The following WIPF1 variants were observed in gnomAD, a reference collection of about 807,000 sequenced individuals.
WIPF1 encodes WAS/WASL interacting protein family member 1.
Under a neutral mutation model 35.4 loss-of-function variants are expected in WIPF1, and 13 were observed. The ratio of observed to expected loss-of-function variants is 0.37; its 90% CI spans 0.24 to 0.58. The LOEUF (loss-of-function observed/expected upper bound fraction) is 0.58. Among genes scored for constraint, WIPF1 ranks in the 20% least tolerant of loss-of-function variants. The probability of loss-of-function intolerance (pLI) is 0.74; values close to 1 mark genes in which losing one functional copy is unlikely to be tolerated. For synonymous variants in WIPF1, 267 were observed against 266.3 expected (o/e 1.00, Z -0.02); for missense variants, 591 against 667.0 (o/e 0.89, Z 1.25).
chr2:174,591,646 TTTAA>T (rs1685611354), intron 1 of WIPF1, among the ~76,000 whole-genome samples: 1 of 148,966 alleles, frequency 6.7e-6, no homozygotes, highest in Admixed American at 6.7e-5. Flanking sequence ...ACTTTAAAAA[TTTAA>T]TTACTGTTTC....
At position 174,659,400 on chromosome 2, in the gene WIPF1, T is replaced by C. The variant is rs140442891; in HGVS notation, c.-39+23374A>G. Reference sequence around the variant, plus strand: ...GAATATAGTGCATGGGACAATTTCATCAACACTCCAAAAGCAAGCTAGATA... The same window carrying C: ...GAATATAGTGCATGGGACAATTTCACCAACACTCCAAAAGCAAGCTAGATA... On this transcript the variant is annotated intron_variant, in intron 1 of 8. Coordinates refer to the WIPF1 transcript ENST00000272746. Among the ~76,000 whole-genome samples the C allele has an allele frequency of 3.1e-4, 47 of 152,338 alleles. 1 individual carries two copies. In the East Asian group the frequency reaches 7.1e-3, roughly 23 times the overall value.
At chr2:174,661,729 C>T (rs1383952367) in intron 1 of WIPF1, among the ~76,000 whole-genome samples, 1 of 152,150 alleles carries the variant, frequency 6.6e-6, no homozygotes, top group Non-Finnish European at 1.5e-5. Flanking sequence ...GCCTTAAGCA[C>T]ACCTCAACAG....
At chr2:174,577,290 G>C (rs944813049) in intron 3 of WIPF1, among the ~76,000 whole-genome samples, 2 of 152,094 alleles carry the variant, frequency 1.3e-5, no homozygotes, top group Non-Finnish European at 2.9e-5. Context: ...AATAATGACA[G>C]TTTAAAGCCT....
intron 1 of WIPF1, among the ~76,000 whole-genome samples, chr2:174,592,086 G>A (rs1223868606): frequency 1.3e-5 from 2 of 152,192 alleles, no homozygotes; most frequent in African/African-American, 4.8e-5. Flanking sequence ...ATCCCTGAAT[G>A]TAAAATGATT....
chr2:174,607,339 G>C (rs952656984), intron 1 of WIPF1, among the ~76,000 whole-genome samples: 2 of 152,042 alleles, frequency 1.3e-5, no homozygotes, highest in African/African-American at 4.8e-5. Flanking sequence ...GGAGGCGGAG[G>C]TTGCAGTGAG....
At chr2:174,591,598 T>C (rs1188120284) in intron 1 of WIPF1, among the ~76,000 whole-genome samples, 1 of 152,056 alleles carries the variant, frequency 6.6e-6, no homozygotes, top group Non-Finnish European at 1.5e-5. Flanking sequence ...ACTGGCTTTA[T>C]GGGTTGAGAG....
chr2:174,603,430 G>T (rs1269724466), intron 1 of WIPF1, among the ~76,000 whole-genome samples: 2 of 152,228 alleles, frequency 1.3e-5, no homozygotes, highest in Non-Finnish European at 2.9e-5. Flanking sequence ...GGGAAGGCTA[G>T]CGCAGGCTGG....
At chr2:174,624,240 T>C (rs182655621) in intron 1 of WIPF1, among the ~76,000 whole-genome samples, 2 of 152,296 alleles carry the variant, frequency 1.3e-5, no homozygotes, top group Admixed American at 1.3e-4. Flanking sequence ...ATAACCACAT[T>C]TCTAATGACA....
At chr2:174,565,748 T>C (rs935126610) in intron 7 of WIPF1, among the ~76,000 whole-genome samples, 1 of 152,192 alleles carries the variant, frequency 6.6e-6, no homozygotes, top group Non-Finnish European at 1.5e-5. Flanking sequence ...TGTGACATAT[T>C]TGACTTGTTT....
chr2:174,566,548 CAG>C (rs1375966255), intron 7 of WIPF1: 1 of 152,098 alleles, frequency 6.6e-6, no homozygotes, highest in Non-Finnish European at 1.5e-5. Flanking sequence ...CATAAAAAAA[CAG>C]AATTATATGG....
Position 174,664,922 on chromosome 2 carries a change from C to G in WIPF1, c.-39+17852G>C, listed in dbSNP as rs113783466. The stretch of plus-strand genomic sequence containing the variant: ...TGCTGGAATTACAGGTATGAGCCAC[C>G]GCGCCAGGCCTGGATCTTTCTTATC... On this transcript the variant is annotated intron_variant, in intron 1 of 8. Transcript: ENST00000272746. Among the ~76,000 whole-genome samples, 126 of 152,054 alleles carry G rather than the reference C, an allele frequency of 8.3e-4. 1 individual carries two copies. The highest frequency in any genetic ancestry group is 2.9e-3 in the African/African-American group (119 of 41,490).
intron 1 of WIPF1, among the ~76,000 whole-genome samples, chr2:174,596,669 C>CTTGAGGTCAGGAGT (rs1400226864): frequency 6.6e-6 from 1 of 152,136 alleles, no homozygotes; most frequent in Non-Finnish European, 1.5e-5. Context: ...GGGCAGATCA[C>CTTGAGGTCAGGAGT]TTGAGGTCAG....
intron 1 of WIPF1, 22 bp from the exon 2 acceptor site, chr2:174,585,633 C>A (rs1167142768): frequency 4.0e-6 from 6 of 1,513,786 alleles, no homozygotes; most frequent in Middle Eastern, 3.5e-4. Context: ...AGAATGCGAT[C>A]ATGTATTAGA....
chr2:174,673,235 T>C (rs1198915210), intron 1 of WIPF1: 1 of 152,214 alleles, frequency 6.6e-6, no homozygotes, highest in Non-Finnish European at 1.5e-5. Context: ...TTGGACCTGC[T>C]AGTTGAGGCA....
chr2:174,569,612 A>G (rs1684768759), intron 5 of WIPF1, among the ~76,000 whole-genome samples: 1 of 152,204 alleles, frequency 6.6e-6, no homozygotes, highest in Non-Finnish European at 1.5e-5. Context: ...TAGAAAAGAA[A>G]ACAGATTTCT....
chr2:174,640,498 AT>A (rs1257970450), intron 1 of WIPF1, among the ~76,000 whole-genome samples: 1 of 151,510 alleles, frequency 6.6e-6, no homozygotes, highest in Non-Finnish European at 1.5e-5. Context: ...TTAAAGTACA[AT>A]AAAAATAAAA....
chr2:174,582,364 A>G (rs371468461), intron 2 of WIPF1, among the ~76,000 whole-genome samples: 5 of 152,184 alleles, frequency 3.3e-5, no homozygotes, highest in African/African-American at 9.7e-5. Context: ...GCCTGTGTCT[A>G]TCACACTTGG....
intron 2 of WIPF1, among the ~76,000 whole-genome samples, chr2:174,583,046 C>A (rs987966532): frequency 1.3e-5 from 2 of 152,138 alleles, no homozygotes; most frequent in African/African-American, 2.4e-5. Flanking sequence ...GGGATTCAAA[C>A]CCTGGCAGTC....
chr2:174,680,180 C>T (rs181372434), intron 1 of WIPF1, among the ~76,000 whole-genome samples: 79 of 152,272 alleles, frequency 5.2e-4, no homozygotes, highest in African/African-American at 1.8e-3. Flanking sequence ...AGCATTCAGG[C>T]GCAGACTTCA....
Sources: allele counts gnomAD v4.1 joint callset (sites outside exome capture counted in the v4.1 genomes callset), GRCh38; gene constraint gnomAD v4.1.1; transcripts MANE v1.5; gene names NCBI Gene and HGNC (gene_info 2026-07-23, HGNC 2026-07-21).